Variants in MCTP1 observed in about 807,000 individuals in gnomAD.
MCTP1 encodes the protein multiple C2 and transmembrane domain containing 1.
In MCTP1, 69 loss-of-function variants were observed where a neutral mutation model predicts 120.6. That is an observed-to-expected ratio of 0.57 (90% CI 0.47 to 0.70). MCTP1 has a LOEUF of 0.70. Ranked by LOEUF, MCTP1 falls within the 30% of genes least tolerant of loss-of-function variation. MCTP1 has a pLI of 0.00. For synonymous variants in MCTP1, 529 were observed against 493.1 expected (o/e 1.07, Z -0.96); for missense variants, 1,203 against 1,248.8 (o/e 0.96, Z 0.55).
chr5:94,978,328 T>A (rs1828578560), intron 2 of MCTP1, among the ~76,000 whole-genome samples: 1 of 152,262 alleles, frequency 6.6e-6, no homozygotes, highest in Middle Eastern at 3.4e-3. Flanking sequence ...AGCTACCATA[T>A]GATTTAGCAA....
intron 1 of MCTP1, among the ~76,000 whole-genome samples, chr5:95,049,902 C>G (rs1452095830): frequency 6.6e-6 from 1 of 152,066 alleles, no homozygotes; most frequent in African/African-American, 2.4e-5. Context: ...GATCAAAACC[C>G]AATTAAATAT....
Position 94,894,682 on chromosome 5 carries a change from G to A in MCTP1, c.1806C>T (p.Asp602=), listed in dbSNP as rs1803481279. The A allele has an allele frequency of 6.2e-7, 1 of 1,611,228 alleles. No homozygotes were observed. The highest frequency in any genetic ancestry group is 8.5e-7 in the Non-Finnish European group (1 of 1,177,774). The change falls in exon 11 of 23, where the codon GAC becomes GAT. Residue 602 remains aspartate (D), a synonymous_variant. Transcript: ENST00000515393. ...TTAATATCTCCTCTCGTTCCTTCTG[G>A]TCCTCCAGGGAGTTGACAGACAGGT... The part of the protein sequence containing the change: ...ISDLSVNSLE[D]QKEREEILKR...
At chr5:95,146,099 A>T (rs1329510250) in intron 1 of MCTP1, among the ~76,000 whole-genome samples, 1 of 151,750 alleles carries the variant, frequency 6.6e-6, no homozygotes, top group Admixed American at 6.6e-5. Context: ...TTTCTTTTGA[A>T]TTTCATTTGA....
At chr5:95,181,209 A>G (rs1748557148) in intron 1 of MCTP1, among the ~76,000 whole-genome samples, 1 of 152,210 alleles carries the variant, frequency 6.6e-6, no homozygotes, top group African/African-American at 2.4e-5. Context: ...CTCATCACAC[A>G]AAGTATAAAA....
chr5:94,931,122 A>T (rs1025751159), intron 6 of MCTP1: 2 of 152,108 alleles, frequency 1.3e-5, no homozygotes, highest in Non-Finnish European at 2.9e-5. Flanking sequence ...ATATTAATTC[A>T]CAGTAATAAA....
intron 19 of MCTP1, among the ~76,000 whole-genome samples, chr5:94,724,314 C>T (rs1286773809): frequency 6.6e-6 from 1 of 151,928 alleles, no homozygotes; most frequent in African/African-American, 2.4e-5. Flanking sequence ...GGCTCCATCA[C>T]AGCTCATTAC....
At chr5:95,158,964 T>C (rs1226149128) in intron 1 of MCTP1, among the ~76,000 whole-genome samples, 1 of 152,154 alleles carries the variant, frequency 6.6e-6, no homozygotes, top group Non-Finnish European at 1.5e-5. Context: ...TTCTTAATTT[T>C]TTTATGGTGC....
chr5:95,251,550 T>C (rs1348318153), intron 1 of MCTP1, among the ~76,000 whole-genome samples: 1 of 152,174 alleles, frequency 6.6e-6, no homozygotes, highest in Non-Finnish European at 1.5e-5. Context: ...CATAAATACA[T>C]GTGGATGGTG....
intron 1 of MCTP1, among the ~76,000 whole-genome samples, chr5:95,163,828 C>T (rs1202378159): frequency 1.3e-5 from 2 of 152,118 alleles, no homozygotes; most frequent in Admixed American, 6.5e-5. Context: ...AGTTCTCTTT[C>T]TGTAAAAGAA....
chr5:94,964,895 G>A (rs1253684636), intron 2 of MCTP1, among the ~76,000 whole-genome samples: 2 of 151,942 alleles, frequency 1.3e-5, no homozygotes, highest in African/African-American at 4.8e-5. Flanking sequence ...CTGTTTTTTA[G>A]TTGTTTTGTA....
At chr5:94,839,893 G>A (rs1173410759) in intron 17 of MCTP1, among the ~76,000 whole-genome samples, 1 of 152,132 alleles carries the variant, frequency 6.6e-6, no homozygotes, top group Non-Finnish European at 1.5e-5. Flanking sequence ...TATAATATAT[G>A]CTCAATAAAT....
At chr5:95,250,103 C>T (rs1582658534) in intron 1 of MCTP1, among the ~76,000 whole-genome samples, 1 of 152,106 alleles carries the variant, frequency 6.6e-6, no homozygotes, top group East Asian at 1.9e-4. Flanking sequence ...ACATGTTTAC[C>T]TAAGTAACAA....
intron 20 of MCTP1, among the ~76,000 whole-genome samples, chr5:94,711,998 C>T (rs535630234): frequency 2.0e-5 from 3 of 152,186 alleles, no homozygotes; most frequent in East Asian, 1.9e-4. Context: ...CATTTACAGG[C>T]ATACCATTGC....
chr5:94,747,838 CCCAGCA>C (rs950322062), intron 19 of MCTP1, among the ~76,000 whole-genome samples: 45 of 152,074 alleles, frequency 3.0e-4, no homozygotes, highest in African/African-American at 1.0e-3. Flanking sequence ...CGCCTGTAAA[CCCAGCA>C]CCTTGGGAGG....
At chr5:95,132,831 T>A (rs1264761218) in intron 1 of MCTP1, among the ~76,000 whole-genome samples, 1 of 152,254 alleles carries the variant, frequency 6.6e-6, no homozygotes, top group Non-Finnish European at 1.5e-5. Context: ...ACTTGATTTA[T>A]ACTTGTCTCT....
At chr5:94,724,748 TTATCAA>T (rs1296189803) in intron 19 of MCTP1, among the ~76,000 whole-genome samples, 3 of 152,128 alleles carry the variant, frequency 2.0e-5, no homozygotes, top group Non-Finnish European at 4.4e-5. Flanking sequence ...TAAAAGAACC[TTATCAA>T]TATCAATATC....
chr5:94,786,378 CT>C (rs1458303027), intron 18 of MCTP1, among the ~76,000 whole-genome samples: 1 of 152,030 alleles, frequency 6.6e-6, no homozygotes, highest in Non-Finnish European at 1.5e-5. Flanking sequence ...AACTTCAGTT[CT>C]TTTCTTATAT....
chr5:94,707,556 T>C lies in MCTP1; in HGVS notation c.2940A>G (p.Gln980=). 3.1e-6 allele frequency: 5 copies of C among 1,611,688 alleles called. No individual in the cohort carries two copies. The highest frequency in any genetic ancestry group is 4.2e-6 in the Non-Finnish European group (5 of 1,178,342). Reference sequence around the variant, plus strand: ...TATGAGAAGGATCTGGTTTCAGTTCTTGGTATTGCACCTGTTTAAACAGAG... The same window carrying C: ...TATGAGAAGGATCTGGTTTCAGTTCCTGGTATTGCACCTGTTTAAACAGAG... ...VPSDVQVVQY[Q]ELKPDPSHSP... The change falls in exon 23 of 23, where the codon CAA becomes CAG. Residue 980 remains glutamine (Q), a synonymous_variant. Transcript: ENST00000515393.
intron 17 of MCTP1, among the ~76,000 whole-genome samples, chr5:94,851,618 C>T (rs1218447943): frequency 2.0e-5 from 3 of 151,872 alleles, no homozygotes; most frequent in South Asian, 2.1e-4. Context: ...ACTTGATTTT[C>T]GTTTTGAATA....
Sources: gnomAD v4.1 joint callset for allele counts (sites outside exome capture counted in the v4.1 genomes callset) on GRCh38, gnomAD v4.1.1 for gene constraint, MANE v1.5 for transcripts, NCBI Gene and HGNC (gene_info 2026-07-23, HGNC 2026-07-21) for gene names.